Variants in KIAA1217 observed in about 807,000 individuals in gnomAD.
The protein encoded by KIAA1217 is sickle tail protein homolog.
In KIAA1217, 88 loss-of-function variants were observed where a neutral mutation model predicts 163.9. The observed-to-expected ratio is 0.54, with a 90% CI of 0.45 to 0.64. The LOEUF (loss-of-function observed/expected upper bound fraction) is 0.64. Among genes scored for constraint, KIAA1217 ranks in the 30% least tolerant of loss-of-function variants. The pLI is 0.00. For missense variants in KIAA1217, 2,372 were observed against 2,475.0 expected (o/e 0.96, Z 0.88); for synonymous variants, 903 against 923.1 (o/e 0.98, Z 0.39).
At chr10:24,195,351 G>A (rs1259554692) in intron 2 of KIAA1217, among the ~76,000 whole-genome samples, 1 of 152,112 alleles carries the variant, frequency 6.6e-6, no homozygotes. Context: ...GATGGCTCAG[G>A]AGTATTTCTC....
At chr10:23,725,834 G>T (rs185939864) in intron 1 of KIAA1217, among the ~76,000 whole-genome samples, 2 of 152,116 alleles carry the variant, frequency 1.3e-5, no homozygotes, top group Non-Finnish European at 2.9e-5. Flanking sequence ...GAATAGTAGC[G>T]TTCCAATTCT....
At chr10:23,882,560 A>G (rs16924021) in intron 1 of KIAA1217, among the ~76,000 whole-genome samples, 2,921 of 152,012 alleles carry the variant, frequency 0.019, 93 homozygotes, top group African/African-American at 0.064. Context: ...TGTATCCCTT[A>G]TATTGATTTA....
At chr10:24,415,650 TTTGC>T (rs1456459897) in intron 3 of KIAA1217, among the ~76,000 whole-genome samples, 4 of 152,002 alleles carry the variant, frequency 2.6e-5, no homozygotes, top group Non-Finnish European at 5.9e-5. Context: ...CCCTTCCGCC[TTTGC>T]TTGAGACTCA....
intron 6 of KIAA1217, among the ~76,000 whole-genome samples, 179 bp from the exon 7 acceptor site, chr10:24,494,321 T>C (rs1056743882): frequency 5.9e-5 from 9 of 152,190 alleles, no homozygotes; most frequent in Admixed American, 2.0e-4. Flanking sequence ...TACTGAACAC[T>C]GATCACGAAT....
intron 6 of KIAA1217, chr10:24,482,094 A>G (rs996526405): frequency 1.3e-5 from 2 of 152,220 alleles, no homozygotes; most frequent in Non-Finnish European, 2.9e-5. Flanking sequence ...CTTGATAAAC[A>G]TACTAGACCA....
intron 2 of KIAA1217, among the ~76,000 whole-genome samples, chr10:24,197,861 G>T (rs1399624795): frequency 2.0e-5 from 3 of 152,232 alleles, no homozygotes; most frequent in East Asian, 3.8e-4. Context: ...GCAGGACACA[G>T]TTCAAGCTTT....
chr10:24,477,161 T>G (rs531456843), intron 6 of KIAA1217, among the ~76,000 whole-genome samples: 35 of 152,308 alleles, frequency 2.3e-4, no homozygotes, highest in African/African-American at 8.4e-4. Context: ...TTTAGATATC[T>G]TGGTAACTAG....
chr10:23,831,542 C>T (rs1400436371), intron 1 of KIAA1217, among the ~76,000 whole-genome samples: 1 of 152,104 alleles, frequency 6.6e-6, no homozygotes, highest in Non-Finnish European at 1.5e-5. Flanking sequence ...TGTTTGCATG[C>T]CAACAGTGTT....
chr10:24,196,675 G>A (rs532415569), intron 2 of KIAA1217, among the ~76,000 whole-genome samples: 1 of 152,272 alleles, frequency 6.6e-6, no homozygotes, highest in Admixed American at 6.5e-5. Context: ...TGACAGTTGC[G>A]TCCCCTTGGA....
intron 15 of KIAA1217, among the ~76,000 whole-genome samples, chr10:24,532,795 G>A (rs2073324985): frequency 6.6e-6 from 1 of 152,192 alleles, no homozygotes; most frequent in Non-Finnish European, 1.5e-5. Flanking sequence ...TTCAAGATGA[G>A]ATTTGGGTGG....
chr10:23,725,101 G>T (rs530776602), intron 1 of KIAA1217, among the ~76,000 whole-genome samples: 2 of 152,244 alleles, frequency 1.3e-5, no homozygotes, highest in East Asian at 3.9e-4. Flanking sequence ...TTCCTTTCAT[G>T]TCTTCAACTA....
At chr10:23,889,055 A>G (rs985166236) in intron 1 of KIAA1217, among the ~76,000 whole-genome samples, 1 of 151,966 alleles carries the variant, frequency 6.6e-6, no homozygotes, top group East Asian at 2.0e-4. Context: ...ATAGTATTCA[A>G]TTTTAAGAAT....
intron 1 of KIAA1217, among the ~76,000 whole-genome samples, chr10:23,736,549 G>A (rs1008684619): frequency 2.6e-5 from 4 of 152,092 alleles, no homozygotes; most frequent in African/African-American, 9.7e-5. Flanking sequence ...TAGAGATGGG[G>A]TCTCGCTTTG....
intron 5 of KIAA1217, chr10:24,466,898 C>A: frequency 1.7e-6 from 1 of 605,206 alleles, no homozygotes; most frequent in Non-Finnish European, 2.1e-6. Flanking sequence ...TTTACAAATT[C>A]TAGACTTGGA....
At chr10:24,499,026 T>C (rs1453258309) in intron 8 of KIAA1217, among the ~76,000 whole-genome samples, 1 of 152,180 alleles carries the variant, frequency 6.6e-6, no homozygotes, top group African/African-American at 2.4e-5. Context: ...TGGTTCTTAG[T>C]AGCAAACAGA....
intron 1 of KIAA1217, among the ~76,000 whole-genome samples, chr10:23,920,416 A>C (rs1476882777): frequency 1.3e-5 from 2 of 152,098 alleles, no homozygotes; most frequent in African/African-American, 4.8e-5. Flanking sequence ...GGACTGATAA[A>C]ATTTTGTTTT....
At chr10:24,098,769 G>A (rs1397436667) in intron 2 of KIAA1217, among the ~76,000 whole-genome samples, 2 of 150,476 alleles carry the variant, frequency 1.3e-5, no homozygotes, top group Non-Finnish European at 1.5e-5. Context: ...GTTAGAGAGA[G>A]ACAGACAGAC....
intron 3 of KIAA1217, among the ~76,000 whole-genome samples, chr10:24,401,571 A>G (rs1398985735): frequency 1.3e-5 from 2 of 152,216 alleles, no homozygotes; most frequent in Admixed American, 1.3e-4. Context: ...CAAAACTCCC[A>G]GCAAACTAGG....
At chr10:24,334,687 C>T (rs775849060) in intron 2 of KIAA1217, among the ~76,000 whole-genome samples, 1 of 152,094 alleles carries the variant, frequency 6.6e-6, no homozygotes, top group Non-Finnish European at 1.5e-5. Context: ...CCATGTCTAC[C>T]CTGCTCACTC....
Sources: gnomAD v4.1 joint callset for allele counts (sites outside exome capture counted in the v4.1 genomes callset) on GRCh38, gnomAD v4.1.1 for gene constraint, MANE v1.5 for transcripts, NCBI Gene and HGNC (gene_info 2026-07-23, HGNC 2026-07-21) for gene names.